SATB2: variants seen among roughly 807,000 people sequenced by gnomAD.
The protein encoded by SATB2 is SATB homeobox 2.
In SATB2, 1 loss-of-function variant was observed where a neutral mutation model predicts 73.4. That is an observed-to-expected ratio of 0.01 (90% CI 0.00 to 0.06). The LOEUF is 0.06. SATB2 is among the 10% of genes least tolerant of loss of function. The pLI, the probability that SATB2 is intolerant of heterozygous loss-of-function variation, is 1.00. For missense variants in SATB2, 459 were observed against 945.8 expected, an observed-to-expected ratio of 0.49 and a Z score of 6.75; for synonymous variants, 397 against 367.0, an observed-to-expected ratio of 1.08 and a Z score of -0.93.
At chr2:199,304,187 C>T (rs868011743) in intron 10 of SATB2, among the ~76,000 whole-genome samples, 5 of 152,160 alleles carry the variant, frequency 3.3e-5, no homozygotes, top group East Asian at 1.9e-4. Context: ...AATTGTAAAA[C>T]GGAGTTGGTA....
At chr2:199,396,514 A>G (rs1199406383) in intron 3 of SATB2, 1 of 152,200 alleles carries the variant, frequency 6.6e-6, no homozygotes, top group African/African-American at 2.4e-5. Context: ...GTAGAAGAAA[A>G]TGACCTCTCA....
intron 10 of SATB2, among the ~76,000 whole-genome samples, chr2:199,275,490 T>A (rs372392535): frequency 2.3e-4 from 1 of 4,354 alleles, no homozygotes. Context: ...CTATTTGGAT[T>A]CAAGATTGAA....
At chr2:199,398,430 C>G (rs1162820408) in intron 3 of SATB2, among the ~76,000 whole-genome samples, 3 of 152,166 alleles carry the variant, frequency 2.0e-5, no homozygotes, top group Non-Finnish European at 4.4e-5. Context: ...TAATAAACTT[C>G]TATTTGTTTT....
intron 10 of SATB2, among the ~76,000 whole-genome samples, chr2:199,299,188 G>C (rs983026595): frequency 6.6e-6 from 1 of 152,172 alleles, no homozygotes; most frequent in East Asian, 1.9e-4. Flanking sequence ...TGGTCAGGGA[G>C]AAATTAGGGT....
chr2:199,462,213 G>C (rs552381809), upstream of SATB2, among the ~76,000 whole-genome samples: 1 of 152,344 alleles, frequency 6.6e-6, no homozygotes, highest in South Asian at 2.1e-4. The surrounding 1 kb of genome is among the most constrained non-coding windows in gnomAD (Gnocchi z 5.9). Flanking sequence ...ACGGCTTCTA[G>C]GAACCCAAGC....
chr2:199,349,777 GA>G (rs935943636), intron 6 of SATB2, among the ~76,000 whole-genome samples: 8 of 151,820 alleles, frequency 5.3e-5, no homozygotes, highest in South Asian at 2.1e-4. Context: ...ACTCAGATAA[GA>G]AAAAAAATCA....
At chr2:199,281,855 T>C (rs1461622180) in intron 10 of SATB2, among the ~76,000 whole-genome samples, 4 of 151,852 alleles carry the variant, frequency 2.6e-5, no homozygotes, top group Non-Finnish European at 5.9e-5. Context: ...ATCTTTGTTC[T>C]GTGGCGCTGC....
At position 199,270,602 on chromosome 2, in the gene SATB2, T is replaced by C. The variant is rs1692124775; in HGVS notation, c.*1609A>G. 1 of 152,006 alleles carries C rather than the reference T, an allele frequency of 6.6e-6. No homozygotes were observed. The highest frequency in any genetic ancestry group is 2.4e-5 in the African/African-American group (1 of 41,294). 9.4% of individuals were successfully genotyped at this position (152,006 alleles called of 1,614,324 possible). ...CACTAGGCCAGTCCTGAATGTGAGGTCTCCTCTTGCAATTACTGTAAGTAG... is the reference window on the plus strand; with the variant it reads ...CACTAGGCCAGTCCTGAATGTGAGGCCTCCTCTTGCAATTACTGTAAGTAG... On this transcript the variant is annotated 3_prime_UTR_variant, in exon 11 of 11. Transcript: ENST00000417098.
chr2:199,302,979 A>T (rs1369899405), intron 10 of SATB2, among the ~76,000 whole-genome samples: 1 of 152,320 alleles, frequency 6.6e-6, no homozygotes, highest in East Asian at 1.9e-4. Context: ...TCAGTGCATT[A>T]GGTGTTCTGT....
At chr2:199,390,088 GA>G (rs935666654) in intron 3 of SATB2, among the ~76,000 whole-genome samples, 6 of 148,880 alleles carry the variant, frequency 4.0e-5, no homozygotes, top group East Asian at 2.0e-4. Context: ...AGACCTTATT[GA>G]AAAAAAAATG....
chr2:199,278,825 G>T (rs1692394909), intron 10 of SATB2, among the ~76,000 whole-genome samples: 1 of 152,104 alleles, frequency 6.6e-6, no homozygotes, highest in African/African-American at 2.4e-5. Flanking sequence ...TTAACTGATT[G>T]TTGTCTTCTT....
In SATB2 at chr2:199,455,329, T is replaced by C. The variant is rs1692241091; in HGVS notation, c.169+540A>G. ...TATAGACAACAGCAGCATTTAAGCT[T>C]CTAAGGGCCTGATGGATTCATGGTG... On this transcript the variant is annotated intron_variant, in intron 2 of 10. Transcript: ENST00000417098. The surrounding 1 kb of genome is among the most constrained non-coding windows in gnomAD (Gnocchi z 4.1). 6.6e-6 allele frequency among the ~76,000 whole-genome samples: 1 copy of C among 152,210 alleles called. No homozygotes were observed. The highest frequency in any genetic ancestry group is 1.5e-5 in the Non-Finnish European group (1 of 68,024).
chr2:199,420,152 G>A, intron 3 of SATB2, among the ~76,000 whole-genome samples: 1 of 151,996 alleles, frequency 6.6e-6, no homozygotes, highest in Non-Finnish European at 1.5e-5. Context: ...TGTACCCTGG[G>A]GTATGTCACT....
intron 3 of SATB2, among the ~76,000 whole-genome samples, chr2:199,386,700 GCGCGCGCGCGCGCGCGCACACACA>G (rs1559021563): frequency 8.4e-3 from 18 of 2,146 alleles, no homozygotes; most frequent in African/African-American, 0.021. Context: ...GCGCAAGCGC[GCGCGCGCGCGCGCGCGCACACACA>G]CACACACACA....
At chr2:199,300,751 T>G (rs1466594364) in intron 10 of SATB2, among the ~76,000 whole-genome samples, 1 of 152,000 alleles carries the variant, frequency 6.6e-6, no homozygotes, top group Non-Finnish European at 1.5e-5. Context: ...AATATAAAAA[T>G]TAGACTATTA....
intron 3 of SATB2, among the ~76,000 whole-genome samples, chr2:199,390,827 T>C (rs1419858467): frequency 6.6e-6 from 1 of 152,156 alleles, no homozygotes; most frequent in Non-Finnish European, 1.5e-5. Flanking sequence ...AAACTCTCTA[T>C]CAATTGCATG....
intron 10 of SATB2, among the ~76,000 whole-genome samples, chr2:199,305,081 T>C (rs1687391423): frequency 6.6e-6 from 1 of 152,220 alleles, no homozygotes; most frequent in Non-Finnish European, 1.5e-5. Flanking sequence ...ATTGGAGCCA[T>C]GGGGCAAAGG....
At chr2:199,392,669 G>A (rs1227282710) in intron 3 of SATB2, among the ~76,000 whole-genome samples, 1 of 152,146 alleles carries the variant, frequency 6.6e-6, no homozygotes, top group Non-Finnish European at 1.5e-5. Context: ...GTTGGATGCA[G>A]CTCTGCATCT....
At chr2:199,351,198 G>A (rs934089364) in intron 6 of SATB2, among the ~76,000 whole-genome samples, 2 of 117,824 alleles carry the variant, frequency 1.7e-5, no homozygotes, top group Non-Finnish European at 3.5e-5. Flanking sequence ...TTTCACTCTT[G>A]TTGCCCAGGC....
Sources: gnomAD v4.1 joint callset for allele counts (sites outside exome capture counted in the v4.1 genomes callset) on GRCh38, gnomAD v4.1.1 for gene constraint, Gnocchi (gnomAD v3.1) non-coding constraint, MANE v1.5 for transcripts, NCBI Gene and HGNC (gene_info 2026-07-23, HGNC 2026-07-21) for gene names.